The following OPA1 variants were observed in gnomAD, a reference collection of about 807,000 sequenced individuals.
The protein encoded by OPA1 is OPA1 mitochondrial dynamin like GTPase.
A neutral mutation model predicts 152.9 loss-of-function variants in OPA1; 59 were observed. The ratio of observed to expected loss-of-function variants is 0.39; its 90% CI spans 0.31 to 0.48. OPA1 has a LOEUF of 0.48. Among genes scored for constraint, OPA1 ranks in the 20% least tolerant of loss-of-function variants. The pLI is 0.96. For missense variants in OPA1, 1,008 were observed against 1,216.8 expected, an observed-to-expected ratio of 0.83 and a Z score of 2.55; for synonymous variants, 400 against 389.9, an observed-to-expected ratio of 1.03 and a Z score of -0.31.
intron 7 of OPA1, among the ~76,000 whole-genome samples, chr3:193,629,007 G>A (rs1179898358): frequency 1.3e-5 from 2 of 152,084 alleles, no homozygotes; most frequent in Non-Finnish European, 2.9e-5. Flanking sequence ...TCTGCCTCCC[G>A]GGTTCAAGCG....
chr3:193,597,336 G>C (rs777286209), intron 1 of OPA1, among the ~76,000 whole-genome samples: 19 of 152,262 alleles, frequency 1.2e-4, no homozygotes, highest in Middle Eastern at 6.8e-3. Context: ...CCAGAATTGA[G>C]CAAAATGGCC....
rs981735774 is a variant in OPA1, at chr3:193,689,797, C to G, written c.2984-2266C>G. On this transcript the variant is annotated intron_variant, in intron 29 of 30. Coordinates refer to ENST00000361510, the MANE Select transcript of OPA1 (RefSeq NM_130837.3). ...TTGGATTTCTTCTCTTCATACAGTA[C>G]AGCATTTCCAAGTAGAAATATTTCT... 1.1e-4 allele frequency among the ~76,000 whole-genome samples: 16 copies of G among 152,142 alleles called. 1 individual carries two copies. The highest frequency in any genetic ancestry group is 2.7e-4 in the African/African-American group (11 of 41,426).
chr3:193,692,795 C>T (rs957717837), intron 30 of OPA1, among the ~76,000 whole-genome samples: 9 of 152,162 alleles, frequency 5.9e-5, no homozygotes, highest in African/African-American at 2.2e-4. Flanking sequence ...CTCGCTCTGC[C>T]ACCCAGGCTG....
chr3:193,626,349 A>C, intron 7 of OPA1, 147 bp downstream of exon 7: 1 of 673,070 alleles, frequency 1.5e-6, no homozygotes, highest in Non-Finnish European at 2.7e-6. Flanking sequence ...TCATATAAAT[A>C]TGTAACTTTT....
At chr3:193,593,784 G>A (rs1029606625) in intron 1 of OPA1, among the ~76,000 whole-genome samples, 1 of 151,454 alleles carries the variant, frequency 6.6e-6, no homozygotes, top group Non-Finnish European at 1.5e-5. Flanking sequence ...CTCTGTCCAT[G>A]AGTCACCTCT....
intron 1 of OPA1, among the ~76,000 whole-genome samples, chr3:193,606,736 T>C (rs1368454699): frequency 2.6e-5 from 4 of 152,226 alleles, no homozygotes; most frequent in African/African-American, 9.6e-5. Flanking sequence ...TACGTGTGCA[T>C]GTGTCTTTAT....
At chr3:193,638,218 C>A (rs1449497004) in intron 11 of OPA1, among the ~76,000 whole-genome samples, 153 bp downstream of exon 11, 1 of 152,134 alleles carries the variant, frequency 6.6e-6, no homozygotes, top group Non-Finnish European at 1.5e-5. Context: ...GTAGAAGGCA[C>A]AGCCAGGAGG....
intron 19 of OPA1, 73 bp downstream of exon 19, chr3:193,647,253 A>AT: frequency 1.1e-6 from 1 of 898,414 alleles, no homozygotes; most frequent in Admixed American, 2.0e-5. Flanking sequence ...CATCCATACG[A>AT]TTCTGTACTT....
chr3:193,637,881 A>T, intron 10 of OPA1, 71 bp from the exon 11 acceptor site: 1 of 1,236,104 alleles, frequency 8.1e-7, no homozygotes, highest in Non-Finnish European at 1.2e-6. Context: ...TCAGAGCAGC[A>T]TTACAAATAG....
intron 1 of OPA1, among the ~76,000 whole-genome samples, chr3:193,598,270 T>G (rs2108782473): frequency 6.6e-6 from 1 of 152,266 alleles, no homozygotes; most frequent in East Asian, 1.9e-4. Context: ...ACAGTTTTTG[T>G]ATGAGGAAGT....
chr3:193,687,165 G>C (rs1213511345), intron 29 of OPA1, among the ~76,000 whole-genome samples: 1 of 152,080 alleles, frequency 6.6e-6, no homozygotes, highest in Non-Finnish European at 1.5e-5. Context: ...ATTTCATGTA[G>C]AGATAAAGAG....
chr3:193,692,190 T>G, intron 30 of OPA1, 58 bp downstream of exon 30: 1 of 901,028 alleles, frequency 1.1e-6, no homozygotes, highest in Non-Finnish European at 1.8e-6. Context: ...TACACTTTTC[T>G]TAATAGTTTA....
At chr3:193,635,362 T>C in intron 8 of OPA1, 56 bp from the exon 9 acceptor site, 2 of 1,021,484 alleles carry the variant, frequency 2.0e-6, no homozygotes, top group Non-Finnish European at 3.1e-6. Context: ...TTAGACTTAA[T>C]ACTATTTGAT....
intron 29 of OPA1, chr3:193,668,476 T>G: frequency 1.3e-6 from 2 of 1,550,576 alleles, no homozygotes; most frequent in Non-Finnish European, 1.7e-6. Context: ...CTCTGACGCT[T>G]TGTGCCAGGT....
intron 1 of OPA1, among the ~76,000 whole-genome samples, chr3:193,614,399 T>C (rs35610272): frequency 0.12 from 17,749 of 152,286 alleles, 1,339 homozygotes; most frequent in Non-Finnish European, 0.17. Context: ...GTCCCACTGC[T>C]TTGGTTTGAA....
chr3:193,608,479 G>T (rs1278489069), intron 1 of OPA1, among the ~76,000 whole-genome samples: 1 of 152,210 alleles, frequency 6.6e-6, no homozygotes, highest in Non-Finnish European at 1.5e-5. Flanking sequence ...TCATTCAGGA[G>T]CAGGTTGTTC....
intron 1 of OPA1, among the ~76,000 whole-genome samples, chr3:193,594,142 A>G (rs554746029): frequency 6.6e-6 from 1 of 152,320 alleles, no homozygotes; most frequent in South Asian, 2.1e-4. Context: ...TCTGTGCGTT[A>G]CTATATGCAT....
intron 7 of OPA1, among the ~76,000 whole-genome samples, chr3:193,627,012 CT>C (rs1731256388): frequency 6.6e-6 from 1 of 152,176 alleles, no homozygotes; most frequent in Non-Finnish European, 1.5e-5. Context: ...AAATTATACT[CT>C]GAGATCTTGA....
intron 29 of OPA1, chr3:193,668,427 G>C (rs1717150293): frequency 6.4e-7 from 1 of 1,550,614 alleles, no homozygotes; most frequent in African/African-American, 1.4e-5. Context: ...ATCCGTGCCA[G>C]GTTGCTCTTC....
Sources: gnomAD v4.1 joint callset for allele counts (sites outside exome capture counted in the v4.1 genomes callset) on GRCh38, gnomAD v4.1.1 for gene constraint, MANE v1.5 for transcripts, NCBI Gene and HGNC (gene_info 2026-07-23, HGNC 2026-07-21) for gene names.